Variants in MYO18B observed in about 807,000 individuals in gnomAD.
MYO18B encodes unconventional myosin-XVIIIb.
In MYO18B, 204 loss-of-function variants were observed where a neutral mutation model predicts 273.0. That is an observed-to-expected ratio of 0.75 (90% CI 0.67 to 0.84). The LOEUF (loss-of-function observed/expected upper bound fraction) is 0.84. Ranked by LOEUF, MYO18B falls within the 40% of genes least tolerant of loss-of-function variation. The probability of loss-of-function intolerance (pLI) is 0.00; values close to 1 mark genes in which losing one functional copy is unlikely to be tolerated. For synonymous variants in MYO18B, 1,330 were observed against 1,305.7 expected, an observed-to-expected ratio of 1.02 and a Z score of -0.40; for missense variants, 3,212 against 3,287.6, an observed-to-expected ratio of 0.98 and a Z score of 0.56.
intron 20 of MYO18B, among the ~76,000 whole-genome samples, chr22:25,847,936 AAC>A (rs1331432450): frequency 1.6e-5 from 2 of 123,438 alleles, no homozygotes; most frequent in South Asian, 5.9e-4. Context: ...TTCTTCTGAA[AAC>A]ACACACACAT....
At position 25,877,663 on chromosome 22, in the gene MYO18B, T is replaced by C. The variant is rs150473333; in HGVS notation, c.4225-296T>C. ...TTGTATTTTTAGTAGAGATGGGGTTTCTCCATGTTGGTCAGGCTGGTCTCG... is the reference window on the plus strand; with the variant it reads ...TTGTATTTTTAGTAGAGATGGGGTTCCTCCATGTTGGTCAGGCTGGTCTCG... On this transcript the variant is annotated intron_variant, in intron 24 of 43. Transcript: ENST00000335473. Among the ~76,000 whole-genome samples the C allele has an allele frequency of 7.2e-3, 1,099 of 152,224 alleles. 14 individuals are homozygous for C. The highest frequency in any genetic ancestry group is 0.024 in the African/African-American group (1,017 of 41,546).
intron 39 of MYO18B, among the ~76,000 whole-genome samples, chr22:25,980,630 C>T (rs1344046249): frequency 6.6e-6 from 1 of 152,192 alleles, no homozygotes; most frequent in East Asian, 1.9e-4. Flanking sequence ...AAGCAGTTGT[C>T]CCCAAGTAAT....
At chr22:26,035,213 A>T (rs11704662), downstream of MYO18B, among the ~76,000 whole-genome samples, 796 of 152,356 alleles carry the variant, frequency 5.2e-3, 7 homozygotes, top group Non-Finnish European at 8.4e-3. Flanking sequence ...TACTAACTGC[A>T]GTAGCAAATA....
Position 25,769,014 on chromosome 22 carries a change from G to A in MYO18B, c.1098G>A (p.Gly366=). The A allele has an allele frequency of 1.2e-6, 2 of 1,611,354 alleles. No individual in the cohort carries two copies. Among genetic ancestry groups the A allele is most frequent in the South Asian group, 1.1e-5 (1 of 90,388 alleles). The part of the protein sequence containing the change: ...EKTSQVQGEL[G]DDLRMGEKAG... ...CAAGCCAAGTGCAGGGCGAGTTGGG[G>A]GACGATCTGAGAATGGGGGAGAAAG... The change falls in exon 4 of 44, where the codon GGG becomes GGA. Residue 366 remains glycine (G), a synonymous_variant. Coordinates refer to ENST00000335473, the MANE Select transcript of MYO18B (RefSeq NM_032608.7).
At position 25,832,933 on chromosome 22, in the gene MYO18B, A is replaced by G. The variant is rs1207539228; in HGVS notation, c.2996A>G (p.Gln999Arg). 1.2e-6 allele frequency: 2 copies of G among 1,613,878 alleles called. No homozygotes were observed. Among genetic ancestry groups the G allele is most frequent in the South Asian group, 1.1e-5 (1 of 91,068 alleles). The stretch of plus-strand genomic sequence containing the variant: ...ATTTTCCAGGAAGGTGTTCCTGTGC[A>G]GTTTGACCTCCCGGACCCCTCCCCA... ...QRYQEEGVPV[Q>R]FDLPDPSPGT... is the part of the protein sequence containing the mutation. The change falls in exon 16 of 44, where the codon CAG becomes CGG. Residue 999 changes from glutamine to arginine, a missense_variant. Transcript: ENST00000335473.
chr22:26,043,028 A>G, the MYO18B span, among the ~76,000 whole-genome samples: 2 of 152,192 alleles, frequency 1.3e-5, no homozygotes, highest in East Asian at 1.9e-4. Context: ...TAATCACCCT[A>G]GAAAGTTCCC....
At chr22:26,013,648 G>T (rs1935085607) in intron 42 of MYO18B, among the ~76,000 whole-genome samples, 1 of 152,172 alleles carries the variant, frequency 6.6e-6, no homozygotes, top group Non-Finnish European at 1.5e-5. Context: ...GTGAATGAAT[G>T]TTCTGGTTGC....
intron 2 of MYO18B, among the ~76,000 whole-genome samples, chr22:25,762,305 C>T (rs1320394051): frequency 6.6e-6 from 1 of 152,238 alleles, no homozygotes; most frequent in Non-Finnish European, 1.5e-5. Context: ...TTGAATTCCT[C>T]CCTTATCAGT....
chr22:25,745,376 T>C (rs1328260670), intron 1 of MYO18B, among the ~76,000 whole-genome samples: 2 of 152,022 alleles, frequency 1.3e-5, no homozygotes, highest in Admixed American at 1.3e-4. Context: ...TCCCAAAGTG[T>C]TGGGATTACA....
At position 26,003,293 on chromosome 22, in the gene MYO18B, A is replaced by G. The variant is rs1186809613; in HGVS notation, c.6316A>G (p.Ser2106Gly). The change falls in exon 41 of 44, where the codon AGC becomes GGC. Residue 2106 changes from serine (S) to glycine (G), a missense_variant. Ser to Gly is a moderately conservative substitution (Grantham distance 56). Transcript: ENST00000335473. ...SVQTAVDCGSSGRKEMDNVSI... is the reference protein window; with the variant it reads ...SVQTAVDCGSGGRKEMDNVSI... ...CCAGACGGCAGTGGATTGTGGCAGC[A>G]GCGGCCGAAAAGAGATGTAAGTTAA... 1 of 1,608,472 alleles carries G rather than the reference A, an allele frequency of 6.2e-7. No homozygotes were observed. The highest frequency in any genetic ancestry group is 1.7e-5 in the Admixed American group (1 of 59,254).
intron 42 of MYO18B, among the ~76,000 whole-genome samples, chr22:26,021,444 A>G (rs1233647360): frequency 2.0e-5 from 3 of 152,232 alleles, no homozygotes; most frequent in Admixed American, 2.0e-4. Flanking sequence ...TCACTCATGT[A>G]TCCAACACAT....
chr22:26,053,307 GA>G, the MYO18B span, among the ~76,000 whole-genome samples: 1 of 152,262 alleles, frequency 6.6e-6, no homozygotes, highest in African/African-American at 2.4e-5. Context: ...ACATTTCTGT[GA>G]AAGATACAGC....
intron 2 of MYO18B, among the ~76,000 whole-genome samples, chr22:25,761,944 A>C (rs1420095857): frequency 1.3e-5 from 2 of 152,134 alleles, no homozygotes; most frequent in Admixed American, 1.3e-4. Context: ...CAACATAGTG[A>C]AACCACGTCT....
At chr22:25,877,857 A>T (rs928237058) in intron 24 of MYO18B, 102 bp from the exon 25 acceptor site, 12 of 802,084 alleles carry the variant, frequency 1.5e-5, no homozygotes, top group East Asian at 2.8e-5. Context: ...GCTAAGGTTT[A>T]TTCCTCCTAA....
In MYO18B at chr22:25,769,268, G is replaced by A. The variant is rs755160843; in HGVS notation, c.1352G>A (p.Arg451Lys). ...CAGGAAGCAGAGGAGCCCTGCTCAAGAGCAGGTGATGGGGCTGGTGCCCTG... is the reference window on the plus strand; with the variant it reads ...CAGGAAGCAGAGGAGCCCTGCTCAAAAGCAGGTGATGGGGCTGGTGCCCTG... ...RGQEAEEPCS[R>K]AGDGAGALET... Residue 451 changes from arginine (R) to lysine (K), a missense_variant, in exon 4 of 44, where the codon AGA (arginine) becomes AAA (lysine). Physicochemically the swap from Arg to Lys is conservative, Grantham distance 26. Coordinates refer to ENST00000335473, the MANE Select transcript of MYO18B (RefSeq NM_032608.7). 3.8e-6 allele frequency: 6 copies of A among 1,590,410 alleles called. No homozygotes were observed. In the East Asian group the frequency reaches 1.4e-4, roughly 36 times the overall value.
chr22:25,818,199 C>G (rs2089122004), intron 12 of MYO18B, among the ~76,000 whole-genome samples: 1 of 152,192 alleles, frequency 6.6e-6, no homozygotes, highest in Non-Finnish European at 1.5e-5. Context: ...AAATCCACTT[C>G]CCCCAATGGG....
At chr22:25,881,539 T>G (rs1043993907) in intron 25 of MYO18B, among the ~76,000 whole-genome samples, 6 of 152,194 alleles carry the variant, frequency 3.9e-5, no homozygotes, top group Non-Finnish European at 7.3e-5. Flanking sequence ...AGAAATTCCT[T>G]CCCACCGAGC....
chr22:25,826,329 G>T, intron 13 of MYO18B, 80 bp from the exon 14 acceptor site: 1 of 985,278 alleles, frequency 1.0e-6, no homozygotes, highest in Non-Finnish European at 1.5e-6. Flanking sequence ...AAATTGAGTG[G>T]TCCCTACTGC....
intron 21 of MYO18B, among the ~76,000 whole-genome samples, chr22:25,855,285 CTT>C (rs150338635): frequency 1.5e-5 from 2 of 132,326 alleles, no homozygotes; most frequent in Non-Finnish European, 1.6e-5. Context: ...TTATCTCATT[CTT>C]TTTTTTTTTT....
Sources: gnomAD v4.1 joint callset for allele counts (sites outside exome capture counted in the v4.1 genomes callset) on GRCh38, gnomAD v4.1.1 for gene constraint, MANE v1.5 for transcripts, NCBI Gene and HGNC (gene_info 2026-07-23, HGNC 2026-07-21) for gene names.